Variants in TES observed in about 807,000 individuals in gnomAD.
TES encodes the protein testin.
A neutral mutation model predicts 48.2 loss-of-function variants in TES; 41 were observed. The ratio of observed to expected loss-of-function variants is 0.85; its 90% CI spans 0.66 to 1.10. The LOEUF (loss-of-function observed/expected upper bound fraction) is 1.10. Among genes scored for constraint, TES ranks in the 50% least tolerant of loss-of-function variants. TES has a pLI of 0.00. For synonymous variants in TES, 162 were observed against 174.9 expected, an observed-to-expected ratio of 0.93 and a Z score of 0.58; for missense variants, 463 against 515.1, an observed-to-expected ratio of 0.90 and a Z score of 0.98.
At chr7:116,234,654 T>A in intron 2 of TES, 35 bp downstream of exon 2, 1 of 1,563,256 alleles carries the variant, frequency 6.4e-7, no homozygotes, top group East Asian at 2.2e-5. Context: ...CATTAGTAAT[T>A]TATACTTTTT....
chr7:116,249,884 A>G (rs1363627884), intron 3 of TES: 2 of 285,910 alleles, frequency 7.0e-6, no homozygotes, highest in Non-Finnish European at 1.3e-5. Context: ...TTTCAATTGT[A>G]CATTTGTTTA....
At chr7:116,236,016 AT>A (rs952255554) in intron 2 of TES, among the ~76,000 whole-genome samples, 8 of 151,650 alleles carry the variant, frequency 5.3e-5, no homozygotes, top group Non-Finnish European at 7.4e-5. Context: ...GTTTTCCAGA[AT>A]TTTTTTTTAC....
chr7:116,254,740 C>CA (rs72573276), intron 6 of TES, among the ~76,000 whole-genome samples: 25 of 139,686 alleles, frequency 1.8e-4, no homozygotes, highest in East Asian at 1.1e-3. Flanking sequence ...CACTCCGTCT[C>CA]AAAAAAAATA....
chr7:116,242,539 G>A (rs201495523), intron 2 of TES, among the ~76,000 whole-genome samples: 1 of 51,062 alleles, frequency 2.0e-5, no homozygotes, highest in Admixed American at 1.7e-4. Context: ...CTCTCTCTCT[G>A]TCTCTGTCTC....
chr7:116,219,584 C>G (rs561648573), intron 1 of TES, among the ~76,000 whole-genome samples: 2 of 151,954 alleles, frequency 1.3e-5, no homozygotes, highest in African/African-American at 4.8e-5. Flanking sequence ...TGCAGGAGCA[C>G]CTTTTAAGCC....
At chr7:116,227,083 TTTTATTTTATTTATTTA>T (rs1799630273) in intron 1 of TES, among the ~76,000 whole-genome samples, 2 of 147,120 alleles carry the variant, frequency 1.4e-5, no homozygotes, top group Non-Finnish European at 3.0e-5. Context: ...AACCTACACT[TTTTATTTTATTTATTTA>T]TTTATTTATT....
intron 2 of TES, chr7:116,239,289 C>T (rs1316648280): frequency 5.3e-5 from 8 of 152,120 alleles, no homozygotes; most frequent in Admixed American, 3.9e-4. Context: ...TAAGGGCTCA[C>T]ATGATTAGAG....
At chr7:116,251,668 G>A (rs1800010914) in intron 4 of TES, 92 bp from the exon 5 acceptor site, 2 of 1,179,968 alleles carry the variant, frequency 1.7e-6, no homozygotes, top group African/African-American at 3.1e-5. Flanking sequence ...GGGCGACAGA[G>A]TGAGACTCAG....
Position 116,258,123 on chromosome 7 carries a change from G to C in TES, c.*641G>C, listed in dbSNP as rs3173919. On this transcript the variant is annotated 3_prime_UTR_variant, in exon 7 of 7. Transcript: ENST00000358204. ...TATTCTCTTTGTAAGTTGGTGACTT[G>C]CATCTGTGGCCTTGAATATTTTATT... The C allele has an allele frequency of 0.33, 49,577 of 151,602 alleles. 8,437 individuals are homozygous for C. The highest frequency in any genetic ancestry group is 0.58 in the East Asian group (2,984 of 5,156). The allele number at this position is 151,602 out of a possible 1,614,324, so 9.4% of individuals were successfully genotyped here. A position where few individuals can be genotyped will look rare whatever the true frequency, so the allele number is the denominator to read the frequency against.
chr7:116,257,091 C>T (rs1038739177), intron 6 of TES, among the ~76,000 whole-genome samples: 1 of 152,156 alleles, frequency 6.6e-6, no homozygotes, highest in Admixed American at 6.6e-5. Context: ...GGCCTTCACT[C>T]GTTATTTCTC....
chr7:116,214,552 C>T (rs1444492487), intron 1 of TES, among the ~76,000 whole-genome samples: 3 of 152,110 alleles, frequency 2.0e-5, no homozygotes, highest in Non-Finnish European at 4.4e-5. Flanking sequence ...AATGAGTGGT[C>T]CTCGGCCAGG....
At chr7:116,256,198 C>A (rs112536628) in intron 6 of TES, among the ~76,000 whole-genome samples, 365 of 152,200 alleles carry the variant, frequency 2.4e-3, no homozygotes, top group African/African-American at 8.6e-3. Flanking sequence ...ACATATATAA[C>A]CAGGCCTCAC....
intron 1 of TES, among the ~76,000 whole-genome samples, chr7:116,224,212 AAG>A (rs1325452239): frequency 6.6e-6 from 1 of 152,162 alleles, no homozygotes; most frequent in Non-Finnish European, 1.5e-5. Flanking sequence ...GCAAACTTGT[AAG>A]AGACCGTAAA....
At chr7:116,227,523 A>G (rs192340145) in intron 1 of TES, among the ~76,000 whole-genome samples, 2 of 152,318 alleles carry the variant, frequency 1.3e-5, no homozygotes, top group East Asian at 1.9e-4. Context: ...CTTAATAAAA[A>G]TATATTGATT....
At chr7:116,212,598 A>G (rs1190300691) in intron 1 of TES, among the ~76,000 whole-genome samples, 1 of 152,200 alleles carries the variant, frequency 6.6e-6, no homozygotes, top group Non-Finnish European at 1.5e-5. Context: ...AGGGGGAGAA[A>G]AATCAAAGAC....
intron 4 of TES, 138 bp downstream of exon 4, chr7:116,250,634 C>A (rs761861656): frequency 1.2e-4 from 79 of 674,550 alleles, no homozygotes; most frequent in Non-Finnish European, 1.2e-4. Flanking sequence ...GATTTAGATT[C>A]AGTTTAGACT....
intron 1 of TES, among the ~76,000 whole-genome samples, chr7:116,231,415 A>G (rs1406730755): frequency 2.0e-5 from 3 of 152,350 alleles, no homozygotes; most frequent in East Asian, 1.9e-4. Flanking sequence ...TCAATGGCCT[A>G]TGACACAGCC....
intron 2 of TES, among the ~76,000 whole-genome samples, chr7:116,236,566 A>G (rs1799774634): frequency 6.6e-6 from 1 of 152,114 alleles, no homozygotes; most frequent in African/African-American, 2.4e-5. Flanking sequence ...CTTCTGTTTT[A>G]TTTTACTTGT....
rs753507790 is a variant in TES at position 116,257,370 on chromosome 7, CCA to C, written c.1157_1158del (p.Thr386ArgfsTer31). 6.2e-7 allele frequency: 1 copy of C among 1,613,996 alleles called. No individual in the cohort carries two copies. Among genetic ancestry groups the C allele is most frequent in the East Asian group, 2.2e-5 (1 of 44,870 alleles). The stretch of plus-strand genomic sequence containing the variant: ...TATAACAATTTCAGCTGGCATGCAT[CCA>C]CAGAGTGCTTTCTGTGCTCTTGCTG... On this transcript the variant is annotated frameshift_variant, in exon 7 of 7. Transcript: ENST00000358204. LOFTEE classifies it high-confidence loss of function.
Sources: gnomAD v4.1 joint callset for allele counts (sites outside exome capture counted in the v4.1 genomes callset) on GRCh38, gnomAD v4.1.1 for gene constraint, MANE v1.5 for transcripts, NCBI Gene and HGNC (gene_info 2026-07-23, HGNC 2026-07-21) for gene names.